Variants in MMP26 observed in about 807,000 individuals in gnomAD.
The protein encoded by MMP26 is matrix metallopeptidase 26.
MMP26 carries 33 observed loss-of-function variants against 31.0 expected under a neutral mutation model. The observed-to-expected ratio is 1.06, with a 90% confidence interval of 0.81 to 1.42. MMP26 has a LOEUF of 1.42. MMP26 is among the 40% of genes most tolerant of loss of function. The probability of loss-of-function intolerance (pLI) is 0.00; values close to 1 mark genes in which losing one functional copy is unlikely to be tolerated. For missense variants in MMP26, 347 were observed against 316.1 expected, an observed-to-expected ratio of 1.10 and a Z score of -0.74; for synonymous variants, 122 against 114.9, an observed-to-expected ratio of 1.06 and a Z score of -0.40.
chr11:4,894,441 A>G (rs1340735616), intron 2 of MMP26, among the ~76,000 whole-genome samples: 4 of 152,184 alleles, frequency 2.6e-5, no homozygotes, highest in Non-Finnish European at 5.9e-5. Flanking sequence ...ATTGCATTCT[A>G]ATTGAGGATA....
intron 2 of MMP26, chr11:4,882,286 T>A (rs1417795167): frequency 6.2e-7 from 1 of 1,613,988 alleles, no homozygotes; most frequent in Admixed American, 1.7e-5. Context: ...TGGCTATCTG[T>A]AACCCACTGA....
intron 2 of MMP26, among the ~76,000 whole-genome samples, chr11:4,982,234 A>T (rs1484207042): frequency 1.3e-5 from 2 of 152,268 alleles, no homozygotes; most frequent in East Asian, 3.9e-4. Context: ...TATATACTGT[A>T]TATAATTGTA....
intron 2 of MMP26, chr11:4,849,038 A>G: frequency 6.2e-7 from 1 of 1,614,114 alleles, no homozygotes; most frequent in Non-Finnish European, 8.5e-7. Flanking sequence ...GCTGCAGGGC[A>G]ATGATCCAGA....
At chr11:4,873,039 C>T (rs1850331742) in intron 2 of MMP26, among the ~76,000 whole-genome samples, 1 of 152,064 alleles carries the variant, frequency 6.6e-6, no homozygotes, top group Non-Finnish European at 1.5e-5. Flanking sequence ...AATAAAAATG[C>T]TTCTTTTTGT....
chr11:4,974,439 T>G (rs1489859486), intron 2 of MMP26, among the ~76,000 whole-genome samples: 1 of 152,098 alleles, frequency 6.6e-6, no homozygotes, highest in Non-Finnish European at 1.5e-5. Flanking sequence ...TCGAATCTTT[T>G]ATATCTCTCA....
At chr11:4,941,824 G>A (rs893923669) in intron 2 of MMP26, among the ~76,000 whole-genome samples, 11 of 151,664 alleles carry the variant, frequency 7.3e-5, no homozygotes, top group South Asian at 2.1e-4. Context: ...CGTGGCTCAC[G>A]CTTGTAATCC....
chr11:4,754,097 T>TA (rs10625911), intron 1 of MMP26, among the ~76,000 whole-genome samples: 2 of 82,642 alleles, frequency 2.4e-5, no homozygotes, highest in Non-Finnish European at 5.6e-5. Context: ...AAAAGAGAGA[T>TA]TTTTTTTTTT....
At chr11:4,745,769 T>A (rs1477269734) in intron 1 of MMP26, among the ~76,000 whole-genome samples, 5 of 152,162 alleles carry the variant, frequency 3.3e-5, no homozygotes, top group Non-Finnish European at 7.4e-5. Context: ...TTCTCCTATA[T>A]CTCCCTCCCC....
chr11:4,830,722 C>T lies in MMP26; in HGVS notation c.-145+63381C>T, dbSNP rs138975236. ...TACCATTGGAGCTTTTATTCTACAG[C>T]TCTTGAAAGGAAAGTTACCCAAAGT... On this transcript the variant is annotated intron_variant, in intron 2 of 7. Coordinates refer to ENST00000380390, the MANE Select transcript of MMP26 (RefSeq NM_021801.5). 2.0e-5 allele frequency among the ~76,000 whole-genome samples: 3 copies of T among 152,314 alleles called. No homozygotes were observed. The East Asian group carries it at 5.8e-4, about 29-fold the overall frequency.
intron 2 of MMP26, among the ~76,000 whole-genome samples, chr11:4,833,351 G>T (rs1467901549): frequency 6.6e-6 from 1 of 152,176 alleles, no homozygotes; most frequent in African/African-American, 2.4e-5. Context: ...AGAAGGAAGA[G>T]CAAAACTCTT....
rs548555301 is a variant in MMP26, at chr11:4,799,395, A to C, written c.-145+32054A>C. Among the ~76,000 whole-genome samples, 102 of 152,210 alleles carry C rather than the reference A, an allele frequency of 6.7e-4. 1 individual carries two copies. The highest frequency in any genetic ancestry group is 2.9e-3 in the Admixed American group (45 of 15,286). ...GGGGGGGTCTCAGGCTCTATTAAAC[A>C]AGAAGCTCTCACATGAACTAACTGA... On this transcript the variant is annotated intron_variant, in intron 2 of 7. Transcript: ENST00000380390.
At chr11:4,812,450 G>A (rs1849362802) in intron 2 of MMP26, among the ~76,000 whole-genome samples, 4 of 152,082 alleles carry the variant, frequency 2.6e-5, no homozygotes, top group Admixed American at 2.6e-4. Context: ...AGTAGAACGC[G>A]TGGCCTGTAC....
chr11:4,920,571 A>G (rs868087535), intron 2 of MMP26, among the ~76,000 whole-genome samples: 25 of 152,304 alleles, frequency 1.6e-4, no homozygotes, highest in Middle Eastern at 3.4e-3. Flanking sequence ...ATGGAGGATT[A>G]TGGTCATAAT....
chr11:4,711,779 CA>C (rs1305318567), intron 1 of MMP26: 2 of 152,180 alleles, frequency 1.3e-5, no homozygotes, highest in Admixed American at 6.6e-5. Flanking sequence ...TGCATTTTAA[CA>C]AGACATTTAC....
At chr11:4,837,046 G>T (rs750484486) in intron 2 of MMP26, among the ~76,000 whole-genome samples, 1 of 152,102 alleles carries the variant, frequency 6.6e-6, no homozygotes, top group Non-Finnish European at 1.5e-5. Flanking sequence ...ATTTGCTTGA[G>T]AGTTGATTGG....
chr11:4,915,005 A>T (rs773592600), intron 2 of MMP26: 4 of 1,614,084 alleles, frequency 2.5e-6, no homozygotes, highest in Non-Finnish European at 3.4e-6. Flanking sequence ...ATAAGAGAAG[A>T]GGATGAGCAG....
intron 2 of MMP26, among the ~76,000 whole-genome samples, chr11:4,911,521 T>G (rs564286407): frequency 1.7e-4 from 26 of 152,296 alleles, no homozygotes; most frequent in African/African-American, 5.8e-4. Context: ...ATTCACCAAT[T>G]AATGTAGCTT....
At chr11:4,873,279 C>A (rs889221360) in intron 2 of MMP26, among the ~76,000 whole-genome samples, 5 of 152,080 alleles carry the variant, frequency 3.3e-5, no homozygotes, top group African/African-American at 1.2e-4. Flanking sequence ...CTGCTCATCC[C>A]TCATAATCAA....
intron 1 of MMP26, among the ~76,000 whole-genome samples, chr11:4,756,997 G>GTA (rs1317028377): frequency 6.6e-6 from 1 of 151,710 alleles, no homozygotes; most frequent in Admixed American, 6.6e-5. Flanking sequence ...TTTTTTTTCT[G>GTA]TAAAAACTGA....
Sources: allele counts gnomAD v4.1 joint callset (sites outside exome capture counted in the v4.1 genomes callset), GRCh38; gene constraint gnomAD v4.1.1; transcripts MANE v1.5; gene names NCBI Gene and HGNC (gene_info 2026-07-23, HGNC 2026-07-21).